Variants in BICRA observed in about 807,000 individuals in gnomAD.
BICRA encodes BRD4 interacting chromatin remodeling complex associated protein.
A neutral mutation model predicts 96.9 loss-of-function variants in BICRA; 31 were observed. The observed-to-expected ratio is 0.32, with a 90% CI of 0.24 to 0.43. BICRA has a LOEUF of 0.43. Among genes scored for constraint, BICRA ranks in the 20% least tolerant of loss-of-function variants. The pLI, the probability that BICRA is intolerant of heterozygous loss-of-function variation, is 1.00. For missense variants in BICRA, 2,283 were observed against 2,190.3 expected (o/e 1.04, Z -0.84); for synonymous variants, 1,350 against 1,071.8 (o/e 1.26, Z -5.07).
intron 1 of BICRA, among the ~76,000 whole-genome samples, chr19:47,654,342 A>G (rs1271172338): frequency 2.6e-5 from 4 of 152,036 alleles, no homozygotes; most frequent in South Asian, 2.1e-4. Context: ...GTACAGCTGC[A>G]TACTATTCCC....
chr19:47,671,758 G>A (rs1333872548), intron 2 of BICRA, among the ~76,000 whole-genome samples: 3 of 149,190 alleles, frequency 2.0e-5, no homozygotes, highest in Non-Finnish European at 3.0e-5. Context: ...ATGGATGGAA[G>A]GATGGAGGGA....
intron 7 of BICRA, among the ~76,000 whole-genome samples, chr19:47,693,275 G>A (rs1351819243): frequency 6.6e-6 from 1 of 152,246 alleles, no homozygotes; most frequent in Non-Finnish European, 1.5e-5. Context: ...TGCTTTAGGC[G>A]AGGTGGCTGT....
At chr19:47,628,996 GAAACTT>G (rs1972180033) in intron 1 of BICRA, among the ~76,000 whole-genome samples, 1 of 151,600 alleles carries the variant, frequency 6.6e-6, no homozygotes, top group Admixed American at 6.6e-5. Flanking sequence ...TTGCCCAACT[GAAACTT>G]TATTTATTTA....
intron 1 of BICRA, among the ~76,000 whole-genome samples, chr19:47,629,586 CAT>C (rs1448624855): frequency 2.6e-5 from 4 of 152,334 alleles, no homozygotes; most frequent in Admixed American, 6.5e-5. Flanking sequence ...TCGATGAACA[CAT>C]GAGTTGCTTA....
In BICRA at chr19:47,682,260, A is replaced by G. The variant is rs1973076659; in HGVS notation, c.2283+108A>G. 10 of 585,222 alleles carry G rather than the reference A, an allele frequency of 1.7e-5. No individual in the cohort carries two copies. The East Asian group carries it at 3.0e-4, about 17-fold the overall frequency. 36.3% of individuals were successfully genotyped at this position (585,222 alleles called of 1,614,324 possible). A position where few individuals can be genotyped will look rare whatever the true frequency, so the allele number is the denominator to read the frequency against. On this transcript the variant is annotated intron_variant, in intron 7 of 14. Transcript: ENST00000594866. Reference sequence around the variant, plus strand: ...CCCTGCCTGCGTCTCTGTTCTGCTGACTTGGAACACAGAGCTCTCCTTCAC... The same window carrying G: ...CCCTGCCTGCGTCTCTGTTCTGCTGGCTTGGAACACAGAGCTCTCCTTCAC...
chr19:47,625,280 G>A (rs1599788688), intron 1 of BICRA, among the ~76,000 whole-genome samples: 2 of 150,090 alleles, frequency 1.3e-5, no homozygotes, highest in South Asian at 4.2e-4. Flanking sequence ...GATTACAGGT[G>A]TGAGCCACCA....
intron 1 of BICRA, among the ~76,000 whole-genome samples, chr19:47,611,265 G>A (rs147759603): frequency 1.0e-3 from 154 of 151,936 alleles, no homozygotes; most frequent in Admixed American, 1.7e-3. Context: ...AGAAGAAGCG[G>A]CCAGATTTTT....
intron 2 of BICRA, among the ~76,000 whole-genome samples, chr19:47,673,070 G>A (rs1972890130): frequency 6.6e-6 from 1 of 152,082 alleles, no homozygotes; most frequent in African/African-American, 2.4e-5. Context: ...TTTATATGTA[G>A]GACAGACCCC....
rs746391980 is a variant in BICRA at position 47,698,984 on chromosome 19, G to A, written c.3417G>A (p.Thr1139=). Residue 1139 remains threonine, a synonymous_variant, in exon 13 of 15, where the codon ACG becomes ACA. Coordinates refer to ENST00000594866, the MANE Select transcript of BICRA (RefSeq NM_001394372.1). This position sits in a 1 kb window ranked among gnomAD's most constrained non-coding sequence, Gnocchi z 4.8. ...TCGCAGTGGACGAGGAGTTTGAGAC[G>A]GTCTCCACGCAGCTGCTGAAACGCA... ...DYHKVDEEFE[T]VSTQLLKRTQ... is the part of the protein sequence containing the mutation. 2 of 1,585,232 alleles carry A rather than the reference G, an allele frequency of 1.3e-6. No homozygotes were observed. Among genetic ancestry groups the A allele is most frequent in the Admixed American group, 1.8e-5 (1 of 55,964 alleles).
In BICRA at chr19:47,702,367, A is replaced by G; in HGVS notation, c.4635A>G (p.Pro1545=). The change falls in exon 15 of 15, where the codon CCA becomes CCG. Residue 1545 remains proline, a synonymous_variant. Transcript: ENST00000594866. ...CCCTGCACAGGCCCGAGGCCTACCC[A>G]CCCTCCAGTCACAACGGTGGCCTCG... ...PPPLHRPEAY[P]PSSHNGGLGA... The G allele has an allele frequency of 6.6e-7, 1 of 1,520,536 alleles. No homozygotes were observed. The highest frequency in any genetic ancestry group is 8.7e-7 in the Non-Finnish European group (1 of 1,145,118). 94.2% of individuals were successfully genotyped at this position (1,520,536 alleles called of 1,614,324 possible).
intron 1 of BICRA, among the ~76,000 whole-genome samples, chr19:47,642,086 A>C (rs1972393349): frequency 6.6e-6 from 1 of 152,256 alleles, no homozygotes; most frequent in Admixed American, 6.5e-5. Context: ...AGAGTTTGAC[A>C]TAAATAGAAT....
At chr19:47,639,916 T>G (rs1972359627) in intron 1 of BICRA, among the ~76,000 whole-genome samples, 1 of 152,108 alleles carries the variant, frequency 6.6e-6, no homozygotes, top group Non-Finnish European at 1.5e-5. Context: ...AGTGTTGAGA[T>G]TACAGGCGTG....
At chr19:47,669,585 A>G (rs1972832618) in intron 1 of BICRA, among the ~76,000 whole-genome samples, 1 of 152,144 alleles carries the variant, frequency 6.6e-6, no homozygotes, top group Non-Finnish European at 1.5e-5. Flanking sequence ...TGTGCTACAT[A>G]TATGTAGTAT....
chr19:47,622,647 C>A (rs925055526), intron 1 of BICRA, among the ~76,000 whole-genome samples: 2 of 149,724 alleles, frequency 1.3e-5, no homozygotes, highest in Non-Finnish European at 3.0e-5. Flanking sequence ...TGGTGTGAAC[C>A]CGGGAGGCGG....
In BICRA at chr19:47,681,993, C is replaced by A; in HGVS notation, c.2124C>A (p.Pro708=). 1 of 1,569,112 alleles carries A rather than the reference C, an allele frequency of 6.4e-7. No homozygotes were observed. Among genetic ancestry groups the A allele is most frequent in the Non-Finnish European group, 8.6e-7 (1 of 1,162,936 alleles). Reference sequence around the variant, plus strand: ...CGTTGCAGGAGAGGAGCCAGCAGCCCCTCTCCGCAGAGGGCCCCCACCTCT... The same window carrying A: ...CGTTGCAGGAGAGGAGCCAGCAGCCACTCTCCGCAGAGGGCCCCCACCTCT... ...MFLPQERSQQ[P]LSAEGPHLSV... Residue 708 remains proline (P), a synonymous_variant, in exon 7 of 15, where the codon CCC becomes CCA. Coordinates refer to ENST00000594866, the MANE Select transcript of BICRA (RefSeq NM_001394372.1).
intron 1 of BICRA, among the ~76,000 whole-genome samples, chr19:47,622,677 T>C (rs937758939): frequency 7.0e-6 from 1 of 143,466 alleles, no homozygotes; most frequent in Non-Finnish European, 1.5e-5. Context: ...TGAGCCGAGA[T>C]TGTGCCACTG....
chr19:47,653,828 C>CTTTGT (rs1012664475), intron 1 of BICRA, among the ~76,000 whole-genome samples: 2 of 152,096 alleles, frequency 1.3e-5, no homozygotes, highest in Non-Finnish European at 2.9e-5. Context: ...ACAGGCCAGC[C>CTTTGT]TTTGTTTTGT....
At chr19:47,692,816 T>C (rs1360019417) in intron 7 of BICRA, among the ~76,000 whole-genome samples, 1 of 152,224 alleles carries the variant, frequency 6.6e-6, no homozygotes, top group African/African-American at 2.4e-5. Flanking sequence ...GTGAATCTGA[T>C]GTCATGCCGA....
intron 1 of BICRA, among the ~76,000 whole-genome samples, chr19:47,653,557 C>T (rs758172619): frequency 3.3e-5 from 5 of 152,182 alleles, no homozygotes; most frequent in East Asian, 1.9e-4. Context: ...CATCTACTTT[C>T]GGTCTCTCTG....
Sources: gnomAD v4.1 joint callset for allele counts (sites outside exome capture counted in the v4.1 genomes callset) on GRCh38, gnomAD v4.1.1 for gene constraint, Gnocchi (gnomAD v3.1) non-coding constraint, MANE v1.5 for transcripts, NCBI Gene and HGNC (gene_info 2026-07-23, HGNC 2026-07-21) for gene names.